Variants in SCUBE1 observed in about 807,000 individuals in gnomAD.
SCUBE1 encodes signal peptide, CUB domain and EGF like domain containing 1.
SCUBE1 carries 59 observed loss-of-function variants against 124.4 expected under a neutral mutation model. That is an observed-to-expected ratio of 0.47 (90% confidence interval 0.38 to 0.59). The LOEUF is 0.59. Ranked by LOEUF, SCUBE1 falls within the 20% of genes least tolerant of loss-of-function variation. The pLI, the probability that SCUBE1 is intolerant of heterozygous loss-of-function variation, is 0.00. For synonymous variants in SCUBE1, 545 were observed against 550.9 expected (o/e 0.99, Z 0.15); for missense variants, 1,150 against 1,371.2 (o/e 0.84, Z 2.55).
At chr22:43,212,035 G>A (rs1921582521) in intron 17 of SCUBE1, among the ~76,000 whole-genome samples, 3 of 152,060 alleles carry the variant, frequency 2.0e-5, no homozygotes, top group Admixed American at 6.5e-5. Context: ...GACCTGGGTG[G>A]GACCAGATGC....
intron 16 of SCUBE1, chr22:43,213,717 A>C: frequency 1.2e-5 from 2 of 166,732 alleles, no homozygotes; most frequent in Non-Finnish European, 1.3e-5. Flanking sequence ...TTGTAATGGA[A>C]TGTTCCGTAA....
chr22:43,315,016 T>C (rs1312866048), intron 3 of SCUBE1, among the ~76,000 whole-genome samples: 1 of 86,186 alleles, frequency 1.2e-5, no homozygotes, highest in Non-Finnish European at 2.4e-5. Context: ...GCTAGAAATA[T>C]TGATTTTTTT....
rs891871331 is a variant in SCUBE1, at chr22:43,222,846, A to G, written c.1328-104T>C. 4.7e-5 allele frequency: 49 copies of G among 1,040,552 alleles called. No homozygotes were observed. In the East Asian group the frequency reaches 1.1e-3, roughly 22 times the overall value. The allele number at this position is 1,040,552 out of a possible 1,614,324, so 64.5% of individuals were successfully genotyped here. On this transcript the variant is annotated intron_variant, in intron 11 of 21. Coordinates refer to ENST00000360835, the MANE Select transcript of SCUBE1 (RefSeq NM_173050.5). ...ATTGTGGAGTGAGACGAAGATCAGG[A>G]CAGATTCTTCTGCCAGTTTCTGCTA...
chr22:43,272,125 C>T (rs983229354), intron 4 of SCUBE1, among the ~76,000 whole-genome samples: 2 of 152,304 alleles, frequency 1.3e-5, no homozygotes, highest in Admixed American at 6.5e-5. Flanking sequence ...GGGAACTCTG[C>T]TCCTCTCGTC....
intron 15 of SCUBE1, among the ~76,000 whole-genome samples, chr22:43,215,287 G>A (rs949495958): frequency 3.3e-5 from 5 of 152,150 alleles, no homozygotes; most frequent in East Asian, 1.9e-4. Context: ...AGTGAGCGCC[G>A]AACTAAATAA....
rs1335777810 is a variant in SCUBE1 at position 43,220,536 on chromosome 22, C to T, written c.1601G>A (p.Arg534Lys). Reference sequence around the variant, plus strand: ...GGATGGGGACTTGCGGCCACGGCGCCTCTTCTTGGAGGAGTCACACTTGAG... The same window carrying T: ...GGATGGGGACTTGCGGCCACGGCGCTTCTTCTTGGAGGAGTCACACTTGAG... ...VTLKCDSSKK[R>K]RRGRKSPSKE... The change falls in exon 14 of 22, where the codon AGG becomes AAG. Residue 534 changes from arginine to lysine, a missense_variant. By Grantham distance (26) the Arg-to-Lys change is conservative (BLOSUM62 2). Around this residue, in one of 3 missense-constraint regions of SCUBE1, gnomAD observed 757 missense variants for 840.9 expected, o/e 0.90. Coordinates refer to ENST00000360835, the MANE Select transcript of SCUBE1 (RefSeq NM_173050.5). The T allele has an allele frequency of 1.9e-6, 3 of 1,614,002 alleles. No individual in the cohort carries two copies. Among genetic ancestry groups the T allele is most frequent in the Admixed American group, 1.7e-5 (1 of 60,006 alleles).
At chr22:43,341,755 C>G (rs761875141) in intron 1 of SCUBE1, among the ~76,000 whole-genome samples, 3 of 152,154 alleles carry the variant, frequency 2.0e-5, no homozygotes, top group African/African-American at 4.8e-5. Flanking sequence ...CGACCCAGCC[C>G]TCCTAGCACA....
At chr22:43,204,974 G>A (rs1055910498) in intron 21 of SCUBE1, among the ~76,000 whole-genome samples, 1 of 150,856 alleles carries the variant, frequency 6.6e-6, no homozygotes, top group African/African-American at 2.4e-5. Flanking sequence ...TATTAACAAA[G>A]GGTCCCGCTG....
rs1268616014 is a variant in SCUBE1 at position 43,198,885 on chromosome 22, GCTGTCTGCTTTCCGGGGCAGTTTGT to G, written c.*5087_*5111del. 5.2e-6 allele frequency: 2 copies of G among 381,946 alleles called. No homozygotes were observed. Among genetic ancestry groups the G allele is most frequent in the Admixed American group, 6.1e-5 (2 of 32,604 alleles). 23.7% of individuals were successfully genotyped at this position (381,946 alleles called of 1,614,324 possible). ...GTCTGTCTGCTGTCTGGGGCAGTTT[GCTGTCTGCTTTCCGGGGCAGTTTGT>G]CTGTCTGCTGTCTGGGGCAGTTTGT... On this transcript the variant is annotated 3_prime_UTR_variant, in exon 22 of 22. Transcript: ENST00000360835.
chr22:43,230,883 G>A (rs1222313446), intron 8 of SCUBE1, among the ~76,000 whole-genome samples: 1 of 152,186 alleles, frequency 6.6e-6, no homozygotes, highest in Non-Finnish European at 1.5e-5. Context: ...CAGCCCCTGA[G>A]CTGCACTGAC....
At chr22:43,263,674 C>A (rs1204951849) in intron 4 of SCUBE1, among the ~76,000 whole-genome samples, 1 of 152,208 alleles carries the variant, frequency 6.6e-6, no homozygotes, top group Non-Finnish European at 1.5e-5. Flanking sequence ...AGAACACAAA[C>A]ACCCTGCTAG....
At chr22:43,274,585 G>T (rs1924423856) in intron 4 of SCUBE1, among the ~76,000 whole-genome samples, 3 of 152,234 alleles carry the variant, frequency 2.0e-5, no homozygotes, top group Admixed American at 6.5e-5. Context: ...GGGCGCCCAG[G>T]CATGGGGGCC....
chr22:43,259,763 T>C (rs533788084), intron 5 of SCUBE1, among the ~76,000 whole-genome samples: 118 of 152,262 alleles, frequency 7.7e-4, no homozygotes, highest in African/African-American at 2.7e-3. Context: ...GGCTGCTCCC[T>C]CTTCCACAGG....
At chr22:43,338,110 C>T (rs192679614) in intron 2 of SCUBE1, among the ~76,000 whole-genome samples, 79 of 152,248 alleles carry the variant, frequency 5.2e-4, no homozygotes, top group African/African-American at 1.9e-3. Flanking sequence ...ATTTCCAGCC[C>T]CCAGATGCCC....
intron 6 of SCUBE1, among the ~76,000 whole-genome samples, chr22:43,242,370 C>T (rs1923039157): frequency 6.6e-6 from 1 of 152,232 alleles, no homozygotes. Context: ...TAGGCCACAG[C>T]TGTCTCAGAG....
intron 3 of SCUBE1, among the ~76,000 whole-genome samples, chr22:43,294,259 C>T (rs1293833865): frequency 6.6e-6 from 1 of 152,218 alleles, no homozygotes; most frequent in Non-Finnish European, 1.5e-5. Context: ...TGGCTTGAGG[C>T]CATGACCAGC....
intron 3 of SCUBE1, among the ~76,000 whole-genome samples, chr22:43,312,348 G>A (rs1206818424): frequency 6.6e-6 from 1 of 152,170 alleles, no homozygotes; most frequent in Non-Finnish European, 1.5e-5. Context: ...GGGAGGTTTG[G>A]TTGGGGCTTG....
chr22:43,281,682 C>T (rs955218605), intron 4 of SCUBE1, among the ~76,000 whole-genome samples: 21 of 152,176 alleles, frequency 1.4e-4, no homozygotes, highest in African/African-American at 5.1e-4. Context: ...TGCCCTCTCC[C>T]CTTGCTGTCC....
intron 3 of SCUBE1, among the ~76,000 whole-genome samples, chr22:43,317,492 A>C (rs1239985300): frequency 6.6e-6 from 1 of 152,184 alleles, no homozygotes; most frequent in Non-Finnish European, 1.5e-5. Flanking sequence ...CCTGTGAGGA[A>C]GCTGCTTCTC....
Sources: gnomAD v4.1 joint callset for allele counts (sites outside exome capture counted in the v4.1 genomes callset) on GRCh38, gnomAD v4.1.1 for gene constraint, gnomAD v4.1.1 regional missense constraint, MANE v1.5 for transcripts, NCBI Gene and HGNC (gene_info 2026-07-23, HGNC 2026-07-21) for gene names.